The following PDS5A variants were observed in gnomAD, a reference collection of about 807,000 sequenced individuals.
The protein encoded by PDS5A is PDS5 cohesin associated factor A.
In PDS5A, 42 loss-of-function variants were observed where a neutral mutation model predicts 167.1. The observed-to-expected ratio is 0.25, with a 90% CI of 0.20 to 0.33. The LOEUF (loss-of-function observed/expected upper bound fraction) is 0.33, where lower values mean the gene tolerates loss of function less well. Ranked by LOEUF, PDS5A falls within the 10% of genes least tolerant of loss-of-function variation. PDS5A has a pLI of 1.00. For missense variants in PDS5A, 1,033 were observed against 1,605.9 expected (o/e 0.64, Z 6.10); for synonymous variants, 553 against 554.6 (o/e 1.00, Z 0.04).
intron 2 of PDS5A, among the ~76,000 whole-genome samples, chr4:39,972,558 G>A (rs919933548): frequency 5.9e-5 from 9 of 151,546 alleles, no homozygotes; most frequent in African/African-American, 2.2e-4. Context: ...AAATAAAATT[G>A]AGACAGGGTC....
At chr4:39,873,716 C>T (rs1256407766) in intron 20 of PDS5A, among the ~76,000 whole-genome samples, 4 of 152,080 alleles carry the variant, frequency 2.6e-5, no homozygotes, top group Non-Finnish European at 5.9e-5. Flanking sequence ...CACCACTGAA[C>T]CAATAAGGCT....
intron 17 of PDS5A, 94 bp from the exon 18 acceptor site, chr4:39,879,927 T>C (rs1303959961): frequency 3.0e-6 from 2 of 674,536 alleles, no homozygotes; most frequent in Admixed American, 2.5e-5. Flanking sequence ...CCTTAAAATA[T>C]TAAATTCAAA....
intron 2 of PDS5A, among the ~76,000 whole-genome samples, chr4:39,951,975 T>C (rs1271700450): frequency 6.8e-6 from 1 of 147,318 alleles, no homozygotes; most frequent in Non-Finnish European, 1.5e-5. Flanking sequence ...AACACAAGCA[T>C]CAATTACTAG....
intron 13 of PDS5A, among the ~76,000 whole-genome samples, chr4:39,900,893 T>C (rs1202436698): frequency 6.6e-6 from 1 of 152,048 alleles, no homozygotes; most frequent in African/African-American, 2.4e-5. Flanking sequence ...AGCTGGAGCA[T>C]TCCACAGACA....
chr4:39,896,957 T>C (rs890401592), intron 16 of PDS5A, among the ~76,000 whole-genome samples: 16 of 151,922 alleles, frequency 1.1e-4, no homozygotes, highest in African/African-American at 3.9e-4. Context: ...AATGTGCAGG[T>C]TTGTTACACA....
At chr4:39,962,861 C>G (rs761162378) in intron 2 of PDS5A, among the ~76,000 whole-genome samples, 5 of 152,088 alleles carry the variant, frequency 3.3e-5, no homozygotes, top group African/African-American at 7.2e-5. Flanking sequence ...ACTTTGGAGG[C>G]TGAGGCAGGA....
chr4:39,897,694 T>C (rs1448225567), intron 16 of PDS5A, among the ~76,000 whole-genome samples: 3 of 152,236 alleles, frequency 2.0e-5, no homozygotes, highest in Non-Finnish European at 2.9e-5. Context: ...CCAATGTGCA[T>C]GGCCTCCAAA....
At chr4:39,912,809 C>G (rs1442465536) in intron 9 of PDS5A, among the ~76,000 whole-genome samples, 2 of 152,192 alleles carry the variant, frequency 1.3e-5, no homozygotes, top group Non-Finnish European at 2.9e-5. Flanking sequence ...TTTAGTCATT[C>G]TAAGCTCTTG....
chr4:39,870,131 A>G (rs188765660), intron 21 of PDS5A, among the ~76,000 whole-genome samples: 1 of 152,092 alleles, frequency 6.6e-6, no homozygotes, highest in Non-Finnish European at 1.5e-5. Flanking sequence ...GCAAAACAAA[A>G]AAACTCCTGG....
At chr4:39,835,209 T>C (rs1167139710) in intron 32 of PDS5A, among the ~76,000 whole-genome samples, 1 of 152,142 alleles carries the variant, frequency 6.6e-6, no homozygotes, top group Non-Finnish European at 1.5e-5. Flanking sequence ...CCTCCCAAAG[T>C]GCTGGGATTA....
intron 26 of PDS5A, among the ~76,000 whole-genome samples, chr4:39,850,129 G>C (rs1289768373): frequency 1.3e-5 from 2 of 151,938 alleles, no homozygotes; most frequent in Non-Finnish European, 2.9e-5. Flanking sequence ...AAATTAGCTG[G>C]GTGTTGGTGG....
In PDS5A at chr4:39,838,125, C is replaced by G; in HGVS notation, c.3741G>C (p.Glu1247Asp). ...KKRTVTAAGA[E>D]NIQQKTDEKV... ...TCTCATCTGTTTTTTGTTGGATATT[C>G]TCTGCACCAGCTGCTGTTACTGTTC... Residue 1247 changes from glutamate to aspartate, a missense_variant, in exon 32 of 33, where the codon GAG becomes GAC. Glu to Asp is a conservative substitution (Grantham distance 45). Transcript: ENST00000303538. 10 of 1,613,886 alleles carry G rather than the reference C, an allele frequency of 6.2e-6. No individual in the cohort carries two copies. The highest frequency in any genetic ancestry group is 7.6e-6 in the Non-Finnish European group (9 of 1,179,860).
At chr4:39,877,238 AATT>A (rs1720536867) in intron 18 of PDS5A, 85 bp from the exon 19 acceptor site, 1 of 848,722 alleles carries the variant, frequency 1.2e-6, no homozygotes, top group Non-Finnish European at 1.8e-6. Flanking sequence ...AGAAAAAAAA[AATT>A]AAATTCTGGG....
intron 2 of PDS5A, among the ~76,000 whole-genome samples, chr4:39,964,094 G>A (rs1211782541): frequency 6.6e-6 from 1 of 151,930 alleles, no homozygotes; most frequent in Non-Finnish European, 1.5e-5. Flanking sequence ...AACAAACATG[G>A]TACTTCATAT....
intron 2 of PDS5A, among the ~76,000 whole-genome samples, chr4:39,938,132 C>G (rs527785400): frequency 6.6e-6 from 1 of 152,208 alleles, no homozygotes; most frequent in African/African-American, 2.4e-5. Flanking sequence ...CTGTATATCA[C>G]TTTCCTTTTT....
At chr4:39,896,304 CCAAAG>C (rs1228241975) in intron 16 of PDS5A, among the ~76,000 whole-genome samples, 1 of 150,636 alleles carries the variant, frequency 6.6e-6, no homozygotes, top group Non-Finnish European at 1.5e-5. Flanking sequence ...CCTAGGCCTC[CCAAAG>C]TGCTGAGATT....
chr4:39,922,372 G>A lies in PDS5A; in HGVS notation c.654+250C>T, dbSNP rs571347005. On this transcript the variant is annotated intron_variant, in intron 6 of 32. Transcript: ENST00000303538. ...ACCCCTTACAATTCTCAGATTATTT[G>A]TGTGAATACAAAACATTTTCAGTTT... is the stretch of plus-strand genomic sequence containing the variant. Among the ~76,000 whole-genome samples the A allele has an allele frequency of 2.0e-5, 3 of 152,228 alleles. No individual in the cohort carries two copies. In the South Asian group the frequency reaches 6.2e-4, roughly 32 times the overall value.
intron 31 of PDS5A, among the ~76,000 whole-genome samples, chr4:39,839,555 A>G (rs888217157): frequency 2.6e-5 from 4 of 151,970 alleles, no homozygotes; most frequent in East Asian, 1.9e-4. Context: ...GGCAACAGAG[A>G]AAGACTCCAT....
intron 28 of PDS5A, chr4:39,846,564 T>C (rs1198306635): frequency 6.6e-6 from 1 of 152,242 alleles, no homozygotes; most frequent in Non-Finnish European, 1.5e-5. Context: ...ACAGCTGTGA[T>C]ATTAACAATA....
Sources: gnomAD v4.1 joint callset for allele counts (sites outside exome capture counted in the v4.1 genomes callset) on GRCh38, gnomAD v4.1.1 for gene constraint, MANE v1.5 for transcripts, NCBI Gene and HGNC (gene_info 2026-07-23, HGNC 2026-07-21) for gene names.